CDH4: variants seen among roughly 807,000 people sequenced by gnomAD.
CDH4 encodes cadherin-4.
CDH4 carries 33 observed loss-of-function variants against 86.0 expected under a neutral mutation model. That is an observed-to-expected ratio of 0.38 (90% CI 0.29 to 0.51). The LOEUF (loss-of-function observed/expected upper bound fraction) is 0.51, where lower values mean the gene tolerates loss of function less well. Ranked by LOEUF, CDH4 falls within the 20% of genes least tolerant of loss-of-function variation. The pLI is 0.86. For synonymous variants in CDH4, 555 were observed against 549.4 expected (o/e 1.01, Z -0.14); for missense variants, 1,114 against 1,307.4 (o/e 0.85, Z 2.28).
rs991980847 is a variant in CDH4, at chr20:61,924,442, C to T, written c.1737C>T (p.Asn579=). 15 of 1,613,636 alleles carry T rather than the reference C, an allele frequency of 9.3e-6. No individual in the cohort carries two copies. In the Middle Eastern group the frequency reaches 4.9e-4, roughly 53 times the overall value. The change falls in exon 11 of 16, where the codon AAC becomes AAT. Residue 579 remains asparagine, a synonymous_variant. Transcript: ENST00000614565. ...LDRESLYTKN[N]VYEATFLAAD... ...GTGAGTCCCTCTACACCAAAAACAACGTCTACGAGGCCACCTTCCTGGCAG... is the reference window on the plus strand; with the variant it reads ...GTGAGTCCCTCTACACCAAAAACAATGTCTACGAGGCCACCTTCCTGGCAG...
chr20:61,710,873 C>T (rs1036361650), intron 2 of CDH4, among the ~76,000 whole-genome samples: 19 of 152,192 alleles, frequency 1.2e-4, no homozygotes, highest in African/African-American at 3.6e-4. Context: ...CCTCATGAAG[C>T]GCGCCTGCCG....
rs569031524 is a variant in CDH4 at position 61,651,068 on chromosome 20, C to T, written c.170-92495C>T. Among the ~76,000 whole-genome samples the T allele has an allele frequency of 2.1e-4, 32 of 152,224 alleles. 1 individual carries two copies. The South Asian group carries it at 6.2e-3, about 30-fold the overall frequency. On this transcript the variant is annotated intron_variant, in intron 2 of 15. Coordinates refer to ENST00000614565, the MANE Select transcript of CDH4 (RefSeq NM_001794.5). Reference sequence around the variant, plus strand: ...TGGTGTGCTTGTGTGAGTGAGTTAGCGCCGTGCTTGGCCGTGCACTGGTGT... The same window carrying T: ...TGGTGTGCTTGTGTGAGTGAGTTAGTGCCGTGCTTGGCCGTGCACTGGTGT...
chr20:61,554,853 A>C (rs900243113), intron 2 of CDH4, among the ~76,000 whole-genome samples: 8 of 151,646 alleles, frequency 5.3e-5, no homozygotes, highest in African/African-American at 1.9e-4. Context: ...TGTATGCGTG[A>C]GTTCGCATGT....
At chr20:61,564,945 T>A (rs533689748) in intron 2 of CDH4, among the ~76,000 whole-genome samples, 2 of 152,184 alleles carry the variant, frequency 1.3e-5, no homozygotes, top group East Asian at 3.9e-4. Context: ...TGTGAACATG[T>A]TACCATTTGT....
rs550030133 is a variant in CDH4 at position 61,296,670 on chromosome 20, A to G, written c.169+41733A>G. 5.5e-4 allele frequency among the ~76,000 whole-genome samples: 84 copies of G among 152,248 alleles called. No individual in the cohort carries two copies. In the Middle Eastern group the frequency reaches 0.01, roughly 18 times the overall value. ...TGTTCGATTTCATTTTAAAATGTTC[A>G]CCATGCCACACGAAACTGGTGTCCC... On this transcript the variant is annotated intron_variant, in intron 2 of 15. Transcript: ENST00000614565.
At chr20:61,316,897 G>A (rs1241303023) in intron 2 of CDH4, among the ~76,000 whole-genome samples, 3 of 152,194 alleles carry the variant, frequency 2.0e-5, no homozygotes, top group Non-Finnish European at 4.4e-5. Context: ...GCGCCTGGAC[G>A]TGGGTCCTCC....
intron 2 of CDH4, among the ~76,000 whole-genome samples, chr20:61,308,768 G>A (rs182323954): frequency 6.6e-5 from 10 of 152,354 alleles, no homozygotes; most frequent in Non-Finnish European, 1.5e-4. Flanking sequence ...CGGAGGAGAG[G>A]CTGAGCAGGA....
chr20:61,447,516 A>G (rs893277291), intron 2 of CDH4, among the ~76,000 whole-genome samples: 22 of 151,542 alleles, frequency 1.5e-4, no homozygotes, highest in African/African-American at 4.8e-4. Flanking sequence ...TGGTATTTGG[A>G]AGTCATGCTT....
chr20:61,620,043 A>T (rs977117447), intron 2 of CDH4, among the ~76,000 whole-genome samples: 2 of 152,272 alleles, frequency 1.3e-5, no homozygotes, highest in Admixed American at 1.3e-4. Context: ...GGCAGGGATC[A>T]CAGCTGCTTG....
intron 2 of CDH4, among the ~76,000 whole-genome samples, chr20:61,332,362 C>T (rs1940354420): frequency 6.6e-6 from 1 of 152,216 alleles, no homozygotes; most frequent in African/African-American, 2.4e-5. Flanking sequence ...GATGCTGGCC[C>T]ACTGCACAGC....
At chr20:61,443,593 T>C (rs2085325196) in intron 2 of CDH4, among the ~76,000 whole-genome samples, 1 of 152,230 alleles carries the variant, frequency 6.6e-6, no homozygotes, top group Non-Finnish European at 1.5e-5. Flanking sequence ...GACAGCCCTT[T>C]CCCTATTAGC....
chr20:61,653,488 GCTCCTC>G (rs2087148312), intron 2 of CDH4, among the ~76,000 whole-genome samples: 1 of 140,058 alleles, frequency 7.1e-6, no homozygotes, highest in African/African-American at 2.5e-5. Context: ...GGGCAGAGGG[GCTCCTC>G]ACTTCCCAGT....
intron 8 of CDH4, 92 bp downstream of exon 8, chr20:61,895,139 T>G: frequency 6.8e-7 from 1 of 1,460,730 alleles, no homozygotes; most frequent in South Asian, 1.3e-5. Context: ...TCTGCGGCTC[T>G]GCCTGACGGG....
At chr20:61,579,425 T>A (rs1453070942) in intron 2 of CDH4, among the ~76,000 whole-genome samples, 1 of 151,906 alleles carries the variant, frequency 6.6e-6, no homozygotes, top group Non-Finnish European at 1.5e-5. Context: ...TAGCTGGGAT[T>A]ACAGGCAGGC....
intron 2 of CDH4, among the ~76,000 whole-genome samples, chr20:61,534,914 C>T (rs934562866): frequency 6.6e-6 from 1 of 151,068 alleles, no homozygotes; most frequent in African/African-American, 2.4e-5. Flanking sequence ...TGGGACGCTC[C>T]TTTGGAGCAG....
At chr20:61,545,935 G>A (rs202069175) in intron 2 of CDH4, among the ~76,000 whole-genome samples, 13,859 of 127,720 alleles carry the variant, frequency 0.11, 1,299 homozygotes, top group Non-Finnish European at 0.12. Flanking sequence ...ATGTGTGGAG[G>A]GGGTATGTGG....
intron 2 of CDH4, among the ~76,000 whole-genome samples, chr20:61,593,616 A>G (rs947408024): frequency 6.6e-6 from 1 of 152,178 alleles, no homozygotes; most frequent in Non-Finnish European, 1.5e-5. Flanking sequence ...TTTGCTGTAT[A>G]TGCTTAGGAC....
At chr20:61,273,529 A>G (rs143939675) in intron 2 of CDH4, among the ~76,000 whole-genome samples, 214 of 1,004 alleles carry the variant, frequency 0.21, 7 homozygotes, top group East Asian at 0.39. Flanking sequence ...TGTGCAGTTT[A>G]GGGGAGTACC....
intron 4 of CDH4, among the ~76,000 whole-genome samples, chr20:61,795,956 C>T (rs55772249): frequency 0.75 from 114,772 of 152,078 alleles, 43,725 homozygotes; most frequent in African/African-American, 0.87. Flanking sequence ...CTTTCAGGCA[C>T]TGAGTGACAT....
Sources: allele counts gnomAD v4.1 joint callset (sites outside exome capture counted in the v4.1 genomes callset), GRCh38; gene constraint gnomAD v4.1.1; transcripts MANE v1.5; gene names NCBI Gene and HGNC (gene_info 2026-07-23, HGNC 2026-07-21).